Variants in RORB observed in about 807,000 individuals in gnomAD.
The protein encoded by RORB is nuclear receptor ROR-beta.
A neutral mutation model predicts 59.1 loss-of-function variants in RORB; 6 were observed. The observed-to-expected ratio is 0.10, with a 90% CI of 0.06 to 0.20. The LOEUF is 0.20. Among genes scored for constraint, RORB ranks in the 10% least tolerant of loss-of-function variants. The probability of loss-of-function intolerance (pLI) is 1.00; values close to 1 mark genes in which losing one functional copy is unlikely to be tolerated. For synonymous variants in RORB, 215 were observed against 204.5 expected (o/e 1.05, Z -0.44); for missense variants, 320 against 560.5 (o/e 0.57, Z 4.33).
At chr9:74,595,790 G>T (rs1056309801) in intron 1 of RORB, among the ~76,000 whole-genome samples, 4 of 152,180 alleles carry the variant, frequency 2.6e-5, no homozygotes, top group Non-Finnish European at 4.4e-5. Flanking sequence ...AAGAGTAGGT[G>T]GGTGAGGATC....
chr9:74,549,348 G>T (rs1826553042), intron 1 of RORB, among the ~76,000 whole-genome samples: 1 of 151,570 alleles, frequency 6.6e-6, no homozygotes, highest in Non-Finnish European at 1.5e-5. Flanking sequence ...GGAGGCTGAG[G>T]CAGGGGAATC....
chr9:74,520,724 A>G (rs1826074058), intron 1 of RORB, among the ~76,000 whole-genome samples: 1 of 151,466 alleles, frequency 6.6e-6, no homozygotes, highest in East Asian at 1.9e-4. Flanking sequence ...TGCCTTTTAT[A>G]TTTCTGGGCC....
At chr9:74,673,156 A>G (rs1396043166) in intron 9 of RORB, among the ~76,000 whole-genome samples, 1 of 152,198 alleles carries the variant, frequency 6.6e-6, no homozygotes. Context: ...GTATTCTCCT[A>G]GTCAATAGCG....
At chr9:74,577,305 T>C (rs1249803032) in intron 1 of RORB, among the ~76,000 whole-genome samples, 1 of 152,062 alleles carries the variant, frequency 6.6e-6, no homozygotes. Flanking sequence ...ATGATCTTGG[T>C]GTCTTTCCTT....
chr9:74,617,660 C>T lies in RORB; in HGVS notation c.8-12622C>T, dbSNP rs541395613. Among the ~76,000 whole-genome samples the T allele has an allele frequency of 2.6e-5, 4 of 152,282 alleles. No homozygotes were observed. The South Asian group carries it at 8.3e-4, about 32-fold the overall frequency. On this transcript the variant is annotated intron_variant, in intron 1 of 9. Transcript: ENST00000376896. ...TTCTACATTTGTTGGGTGACTAAGC[C>T]TCCACCTCAGTCCCACACTGACACC...
intron 1 of RORB, among the ~76,000 whole-genome samples, chr9:74,522,254 G>T (rs982314417): frequency 6.6e-6 from 1 of 151,590 alleles, no homozygotes; most frequent in African/African-American, 2.4e-5. Flanking sequence ...GAATTGCATT[G>T]TGTTGAACTT....
rs186187055 is a variant in RORB at position 74,584,140 on chromosome 9, A to G, written c.8-46142A>G. 1.7e-3 allele frequency among the ~76,000 whole-genome samples: 253 copies of G among 152,336 alleles called. 2 individuals carry two copies. Among genetic ancestry groups the G allele is most frequent in the African/African-American group, 5.4e-3 (223 of 41,566 alleles). ...AAATATTAATATCATGAAATAGGCT[A>G]TTACTGGTAGGCTCAGTGCAGCAAG... On this transcript the variant is annotated intron_variant, in intron 1 of 9. Coordinates refer to ENST00000376896, the MANE Select transcript of RORB (RefSeq NM_006914.4).
Position 74,692,654 on chromosome 9 carries a change from A to G in RORB, c.*7036A>G, listed in dbSNP as rs888355003. 1 of 152,220 alleles carries G rather than the reference A, an allele frequency of 6.6e-6. No homozygotes were observed. The allele number at this position is 152,220 out of a possible 1,614,324, so 9.4% of individuals were successfully genotyped here. On this transcript the variant is annotated 3_prime_UTR_variant, in exon 10 of 10. Coordinates refer to ENST00000376896, the MANE Select transcript of RORB (RefSeq NM_006914.4). ...TGCATTGCCACAAGTATGTAAAATA[A>G]AAATATTCACTCTAAAAAGAATAAT...
chr9:74,597,724 C>T (rs1025586175), intron 1 of RORB, among the ~76,000 whole-genome samples: 12 of 151,946 alleles, frequency 7.9e-5, no homozygotes, highest in Non-Finnish European at 2.9e-5. Flanking sequence ...TTTGGGAGAC[C>T]GAGGCGGGCA....
chr9:74,545,974 A>G (rs1389705039), intron 1 of RORB, among the ~76,000 whole-genome samples: 3 of 152,240 alleles, frequency 2.0e-5, no homozygotes, highest in African/African-American at 2.4e-5. Flanking sequence ...TCTAACTGGC[A>G]ATAGAGAAAT....
chr9:74,653,221 T>G (rs950211275), intron 4 of RORB, among the ~76,000 whole-genome samples: 1 of 152,160 alleles, frequency 6.6e-6, no homozygotes, highest in Non-Finnish European at 1.5e-5. Context: ...TTCTAAGAAA[T>G]CTTGATATTA....
chr9:74,646,985 G>C (rs780348690), intron 4 of RORB, among the ~76,000 whole-genome samples: 83 of 152,138 alleles, frequency 5.5e-4, no homozygotes, highest in Non-Finnish European at 1.1e-3. Context: ...GAAATAAAAT[G>C]TGGGTAAGCA....
At chr9:74,520,662 CAATAT>C (rs1454090575) in intron 1 of RORB, among the ~76,000 whole-genome samples, 1 of 151,704 alleles carries the variant, frequency 6.6e-6, no homozygotes, top group Non-Finnish European at 1.5e-5. Context: ...CAATAATATA[CAATAT>C]TTCAACTTTT....
chr9:74,540,305 T>C (rs1382146279), intron 1 of RORB, among the ~76,000 whole-genome samples: 2 of 152,220 alleles, frequency 1.3e-5, no homozygotes, highest in African/African-American at 4.8e-5. Context: ...TGTGTTACTT[T>C]CTTTTGCATC....
At chr9:74,544,698 C>G (rs1032334555) in intron 1 of RORB, among the ~76,000 whole-genome samples, 1 of 152,182 alleles carries the variant, frequency 6.6e-6, no homozygotes, top group African/African-American at 2.4e-5. Context: ...CACGCTTGTC[C>G]TGGCAGAAAC....
At chr9:74,507,405 A>G (rs1307279941) in intron 1 of RORB, among the ~76,000 whole-genome samples, 2 of 152,096 alleles carry the variant, frequency 1.3e-5, no homozygotes, top group Non-Finnish European at 2.9e-5. Flanking sequence ...CAGACATACT[A>G]TTGTTATTTG....
At chr9:74,548,188 C>T (rs913295589) in intron 1 of RORB, among the ~76,000 whole-genome samples, 2 of 152,106 alleles carry the variant, frequency 1.3e-5, no homozygotes, top group Non-Finnish European at 2.9e-5. Context: ...AGGGTGAGGG[C>T]GGGGCAGATC....
intron 1 of RORB, among the ~76,000 whole-genome samples, chr9:74,603,508 A>G (rs1205673203): frequency 1.3e-5 from 2 of 152,162 alleles, no homozygotes; most frequent in Non-Finnish European, 2.9e-5. Flanking sequence ...GTGTTTCCCA[A>G]AGATTCAGTC....
chr9:74,665,633 C>A, intron 7 of RORB, 38 bp downstream of exon 7: 1 of 1,272,668 alleles, frequency 7.9e-7, no homozygotes, highest in Non-Finnish European at 1.1e-6. Flanking sequence ...TTTTATTAGC[C>A]ACCATCAGTT....
Sources: allele counts gnomAD v4.1 joint callset (sites outside exome capture counted in the v4.1 genomes callset), GRCh38; gene constraint gnomAD v4.1.1; transcripts MANE v1.5; gene names NCBI Gene and HGNC (gene_info 2026-07-23, HGNC 2026-07-21).